ANKRD34B: variants seen among roughly 807,000 people sequenced by gnomAD.
ANKRD34B encodes the protein ankyrin repeat domain 34B.
A neutral mutation model predicts 4.4 loss-of-function variants in ANKRD34B; 2 were observed. That is an observed-to-expected ratio of 0.46 (90% CI 0.19 to 1.44). ANKRD34B has a LOEUF of 1.44. ANKRD34B is among the 40% of genes most tolerant of loss of function. ANKRD34B has a pLI of 0.26. For missense variants in ANKRD34B, 558 were observed against 604.7 expected (o/e 0.92, Z 0.81); for synonymous variants, 226 against 227.1 (o/e 0.99, Z 0.05).
rs1746719073 is a variant in ANKRD34B, at chr5:80,570,217, C to CA, written c.-403_-402insT. On this transcript the variant is annotated 5_prime_UTR_variant, in exon 1 of 5. In the 5' UTR this introduces an upstream ATG that the reference lacks. Coordinates refer to ENST00000338682, the MANE Select transcript of ANKRD34B (RefSeq NM_001004441.3). ...CCTCTCTCCGGCACTGCCCGACCCTCTGTGCGGCCCTAGGGCGCCGTCTGA... is the reference window on the plus strand; with the variant it reads ...CCTCTCTCCGGCACTGCCCGACCCTCATGTGCGGCCCTAGGGCGCCGTCTGA... 6.6e-6 allele frequency: 1 copy of CA among 152,354 alleles called. No individual in the cohort carries two copies. Among genetic ancestry groups the CA allele is most frequent in the Non-Finnish European group, 1.5e-5 (1 of 68,140 alleles). 9.4% of individuals were successfully genotyped at this position (152,354 alleles called of 1,614,324 possible). A position where few individuals can be genotyped will look rare whatever the true frequency, so the allele number is the denominator to read the frequency against.
intron 4 of ANKRD34B, among the ~76,000 whole-genome samples, chr5:80,562,767 T>A (rs1746442192): frequency 1.3e-5 from 2 of 152,226 alleles, no homozygotes; most frequent in Non-Finnish European, 2.9e-5. Flanking sequence ...ATTCTCCAAA[T>A]GTACCCACAT....
At chr5:80,562,928 A>G (rs1482971377) in intron 4 of ANKRD34B, among the ~76,000 whole-genome samples, 2 of 150,006 alleles carry the variant, frequency 1.3e-5, no homozygotes, top group Non-Finnish European at 3.0e-5. Context: ...AATGCCTCTT[A>G]CATTAAAGAT....
At chr5:80,563,435 T>C (rs1227677105) in intron 4 of ANKRD34B, among the ~76,000 whole-genome samples, 1 of 152,248 alleles carries the variant, frequency 6.6e-6, no homozygotes, top group African/African-American at 2.4e-5. Context: ...ATATGTGAGA[T>C]ATACTTCATT....
At chr5:80,566,319 A>T (rs1271020300) in intron 3 of ANKRD34B, among the ~76,000 whole-genome samples, 1 of 152,348 alleles carries the variant, frequency 6.6e-6, no homozygotes, top group Middle Eastern at 3.4e-3. Flanking sequence ...GCTTAGAACA[A>T]GAAGATGATT....
At chr5:80,566,824 T>C (rs1410330886) in intron 2 of ANKRD34B, 50 bp from the exon 3 acceptor site, 1 of 152,664 alleles carries the variant, frequency 6.6e-6, no homozygotes, top group Non-Finnish European at 1.5e-5. Flanking sequence ...AATAATTTGT[T>C]ACATGCATCT....
intron 4 of ANKRD34B, 81 bp from the exon 5 acceptor site, chr5:80,560,123 T>C (rs1312749517): frequency 6.0e-6 from 5 of 837,514 alleles, no homozygotes; most frequent in African/African-American, 3.4e-5. Flanking sequence ...AGAATTAATT[T>C]TGAAAATATG....
In ANKRD34B at chr5:80,558,258, C is replaced by A. The variant is rs927248374; in HGVS notation, c.*217G>T. 2.8e-6 allele frequency: 1 copy of A among 360,214 alleles called. No individual in the cohort carries two copies. The highest frequency in any genetic ancestry group is 8.0e-4 in the Middle Eastern group (1 of 1,244). The allele number at this position is 360,214 out of a possible 1,614,324, so 22.3% of individuals were successfully genotyped here. On this transcript the variant is annotated 3_prime_UTR_variant, in exon 5 of 5. Coordinates refer to ENST00000338682, the MANE Select transcript of ANKRD34B (RefSeq NM_001004441.3). Reference sequence around the variant, plus strand: ...AAATATTAGAAGCATTGAGAAAAATCGCTTTCCTTTTGTTTGAGAGAATTC... The same window carrying A: ...AAATATTAGAAGCATTGAGAAAAATAGCTTTCCTTTTGTTTGAGAGAATTC...
chr5:80,569,197 A>G (rs1188088710), intron 1 of ANKRD34B, 90 bp from the exon 2 acceptor site: 1 of 152,442 alleles, frequency 6.6e-6, no homozygotes, highest in African/African-American at 2.4e-5. Context: ...CTCATCTCTG[A>G]GCCAGGGCAG....
At chr5:80,563,699 C>T (rs1746480089) in intron 4 of ANKRD34B, 36 bp downstream of exon 4, 2 of 152,154 alleles carry the variant, frequency 1.3e-5, no homozygotes, top group South Asian at 4.1e-4. Flanking sequence ...TCCCCTGTGA[C>T]ATACTCTATA....
At position 80,559,770 on chromosome 5, in the gene ANKRD34B, C is replaced by G; in HGVS notation, c.250G>C (p.Gly84Arg). ...NADPNIQDKS[G>R]KTALMHACLE... is the part of the protein sequence containing the mutation. ...CAAGCATGCATCAGAGCCGTTTTCC[C>G]AGATTTGTCCTGTATGTTGGGATCG... Residue 84 changes from glycine (G) to arginine (R), a missense_variant, in exon 5 of 5, where the codon GGG becomes CGG. Coordinates refer to ENST00000338682, the MANE Select transcript of ANKRD34B (RefSeq NM_001004441.3). The G allele has an allele frequency of 6.2e-7, 1 of 1,614,160 alleles. No homozygotes were observed. The highest frequency in any genetic ancestry group is 1.1e-5 in the South Asian group (1 of 91,074).
At chr5:80,569,570 A>G (rs986754782) in intron 1 of ANKRD34B, among the ~76,000 whole-genome samples, 5 of 150,182 alleles carry the variant, frequency 3.3e-5, no homozygotes, top group African/African-American at 1.2e-4. Context: ...CTGCCGAGGC[A>G]CCTGCGGAGA....
At chr5:80,566,009 C>T (rs1363116456) in intron 3 of ANKRD34B, among the ~76,000 whole-genome samples, 5 of 152,224 alleles carry the variant, frequency 3.3e-5, no homozygotes, top group Admixed American at 2.0e-4. Context: ...ATTTACGATG[C>T]TCCTTTAGTT....
At chr5:80,562,211 A>G (rs962190980) in intron 4 of ANKRD34B, among the ~76,000 whole-genome samples, 3 of 152,030 alleles carry the variant, frequency 2.0e-5, no homozygotes, top group African/African-American at 7.3e-5. Context: ...CATCACCACC[A>G]CCAGAAAACT....
chr5:80,559,772 G>A lies in ANKRD34B; in HGVS notation c.248C>T (p.Ser83Phe). 1 of 1,614,170 alleles carries A rather than the reference G, an allele frequency of 6.2e-7. No individual in the cohort carries two copies. Among genetic ancestry groups the A allele is most frequent in the Non-Finnish European group, 8.5e-7 (1 of 1,180,046 alleles). ...NNADPNIQDK[S>F]GKTALMHACL... ...AGCATGCATCAGAGCCGTTTTCCCA[G>A]ATTTGTCCTGTATGTTGGGATCGGC... The change falls in exon 5 of 5, where the codon TCT becomes TTT. Residue 83 changes from serine to phenylalanine, a missense_variant. By Grantham distance (155) the Ser-to-Phe change is radical (BLOSUM62 -2). Coordinates refer to ENST00000338682, the MANE Select transcript of ANKRD34B (RefSeq NM_001004441.3).
intron 4 of ANKRD34B, among the ~76,000 whole-genome samples, chr5:80,562,851 C>G (rs967200920): frequency 3.3e-5 from 5 of 152,252 alleles, no homozygotes; most frequent in African/African-American, 9.6e-5. Context: ...TTTAAGGCTT[C>G]TCATCAGCTT....
At position 80,558,964 on chromosome 5, in the gene ANKRD34B, A is replaced by G. The variant is rs1746332799; in HGVS notation, c.1056T>C (p.Ala352=). Residue 352 remains alanine (A), a synonymous_variant, in exon 5 of 5, where the codon GCT becomes GCC. Transcript: ENST00000338682. The part of the protein sequence containing the change: ...QDPDSNQTIF[A]STLRSIVQKR... ...TTTGAACTATACTTCTTAAGGTGGAAGCAAATATTGTCTGGTTAGAATCTG... is the reference window on the plus strand; with the variant it reads ...TTTGAACTATACTTCTTAAGGTGGAGGCAAATATTGTCTGGTTAGAATCTG... 1 of 1,614,062 alleles carries G rather than the reference A, an allele frequency of 6.2e-7. No homozygotes were observed. The highest frequency in any genetic ancestry group is 8.5e-7 in the Non-Finnish European group (1 of 1,180,044).
rs758342473 is a variant in ANKRD34B at position 80,559,454 on chromosome 5, A to G, written c.566T>C (p.Ile189Thr). ...SPATCTTPSE[I>T]DIKTASSPLS... Reference sequence around the variant, plus strand: ...TGGCGATGAGGCAGTTTTGATGTCTATTTCTGAAGGAGTGGTGCAGGTAGC... The same window carrying G: ...TGGCGATGAGGCAGTTTTGATGTCTGTTTCTGAAGGAGTGGTGCAGGTAGC... Residue 189 changes from isoleucine to threonine, a missense_variant, in exon 5 of 5, where the codon ATA becomes ACA. Coordinates refer to ENST00000338682, the MANE Select transcript of ANKRD34B (RefSeq NM_001004441.3). 8.1e-6 allele frequency: 13 copies of G among 1,614,144 alleles called. No homozygotes were observed. The East Asian group carries it at 1.8e-4, about 22-fold the overall frequency.
chr5:80,569,171 G>A (rs1746677922), intron 1 of ANKRD34B, 64 bp from the exon 2 acceptor site: 1 of 152,540 alleles, frequency 6.6e-6, no homozygotes, highest in Non-Finnish European at 1.5e-5. Flanking sequence ...TGGGGGCGGG[G>A]TGCGCGTTTC....
rs1034738311 is a variant in ANKRD34B at position 80,557,219 on chromosome 5, A to T, written c.*1256T>A. On this transcript the variant is annotated 3_prime_UTR_variant, in exon 5 of 5. Coordinates refer to ENST00000338682, the MANE Select transcript of ANKRD34B (RefSeq NM_001004441.3). Reference sequence around the variant, plus strand: ...TGAAATAAGGATTCTTTGTATAAACATCATACTTTGAAGTTATATAGATGA... The same window carrying T: ...TGAAATAAGGATTCTTTGTATAAACTTCATACTTTGAAGTTATATAGATGA... 5.9e-5 allele frequency: 9 copies of T among 152,424 alleles called. No homozygotes were observed. Among genetic ancestry groups the T allele is most frequent in the African/African-American group, 2.2e-4 (9 of 41,442 alleles). 9.4% of individuals were successfully genotyped at this position (152,424 alleles called of 1,614,324 possible).
Sources: allele counts gnomAD v4.1 joint callset (sites outside exome capture counted in the v4.1 genomes callset), GRCh38; gene constraint gnomAD v4.1.1; transcripts MANE v1.5; gene names NCBI Gene and HGNC (gene_info 2026-07-23, HGNC 2026-07-21).